Variants in PGM2 observed in about 807,000 individuals in gnomAD.
PGM2 encodes phosphoglucomutase 2, also known as phosphopentomutase.
Under a neutral mutation model 74.6 loss-of-function variants are expected in PGM2, and 57 were observed. The observed-to-expected ratio is 0.76, with a 90% CI of 0.62 to 0.95. The LOEUF (loss-of-function observed/expected upper bound fraction) is 0.95, where lower values mean the gene tolerates loss of function less well. PGM2 is among the 40% of genes least tolerant of loss of function. The pLI, the probability that PGM2 is intolerant of heterozygous loss-of-function variation, is 0.00. For synonymous variants in PGM2, 273 were observed against 260.7 expected (o/e 1.05, Z -0.46); for missense variants, 706 against 741.9 (o/e 0.95, Z 0.56).
intron 12 of PGM2, 106 bp downstream of exon 12, chr4:37,850,479 CTTA>C: frequency 1.5e-6 from 1 of 661,704 alleles, no homozygotes; most frequent in Non-Finnish European, 2.4e-6. Flanking sequence ...ATTTTAGGCA[CTTA>C]GGCGTGATTA....
chr4:37,838,719 A>G (rs1725630123), intron 4 of PGM2, among the ~76,000 whole-genome samples: 1 of 152,228 alleles, frequency 6.6e-6, no homozygotes, highest in Admixed American at 6.5e-5. Flanking sequence ...ATTGTCATGT[A>G]TTCAAGCATC....
At chr4:37,835,245 T>C (rs536542778) in intron 3 of PGM2, among the ~76,000 whole-genome samples, 1 of 152,338 alleles carries the variant, frequency 6.6e-6, no homozygotes, top group African/African-American at 2.4e-5. Context: ...GTATGTACTT[T>C]TATCTCTTTA....
At chr4:37,860,394 A>G (rs919828355) in intron 13 of PGM2, among the ~76,000 whole-genome samples, 1 of 152,230 alleles carries the variant, frequency 6.6e-6, no homozygotes, top group Non-Finnish European at 1.5e-5. Context: ...ATTGCTTTAT[A>G]TAATTTATCG....
chr4:37,847,886 T>C (rs1214845736), intron 10 of PGM2, among the ~76,000 whole-genome samples: 1 of 152,276 alleles, frequency 6.6e-6, no homozygotes, highest in African/African-American at 2.4e-5. Flanking sequence ...GTAAAAACTA[T>C]TATGCATTAG....
chr4:37,830,620 G>A (rs988050383), intron 2 of PGM2, among the ~76,000 whole-genome samples: 1 of 152,190 alleles, frequency 6.6e-6, no homozygotes, highest in Non-Finnish European at 1.5e-5. Context: ...TCTAGACCCA[G>A]CTTTTAGGAA....
rs556572017 is a variant in PGM2, at chr4:37,857,271, CT to C, written c.1736+1531del. On this transcript the variant is annotated intron_variant, in intron 13 of 13. Transcript: ENST00000381967. The stretch of plus-strand genomic sequence containing the variant: ...GGCCGCTGTAGTAAACAGCACCCAT[CT>C]AGGTAATTGTGACAACATAGACAAA... Among the ~76,000 whole-genome samples, 6 of 152,282 alleles carry C rather than the reference CT, an allele frequency of 3.9e-5. No individual in the cohort carries two copies. The South Asian group carries it at 1.2e-3, about 32-fold the overall frequency.
At chr4:37,842,417 T>C (rs1725755542) in intron 6 of PGM2, among the ~76,000 whole-genome samples, 1 of 151,866 alleles carries the variant, frequency 6.6e-6, no homozygotes, top group Non-Finnish European at 1.5e-5. Context: ...CTATCATGTT[T>C]GTGTTTTATA....
chr4:37,836,068 G>T (rs1725560280), intron 3 of PGM2, among the ~76,000 whole-genome samples: 1 of 152,254 alleles, frequency 6.6e-6, no homozygotes, highest in Non-Finnish European at 1.5e-5. Context: ...ATGTGGCTAA[G>T]TCTGTCTGCT....
chr4:37,853,218 G>A (rs1458437271), intron 12 of PGM2, among the ~76,000 whole-genome samples: 2 of 152,062 alleles, frequency 1.3e-5, no homozygotes, highest in African/African-American at 4.8e-5. Flanking sequence ...GCTCACTGCA[G>A]CCTTGATCTC....
intron 7 of PGM2, 22 bp from the exon 8 acceptor site, chr4:37,845,611 T>C: frequency 1.3e-6 from 2 of 1,509,620 alleles, no homozygotes; most frequent in Non-Finnish European, 1.8e-6. Context: ...AAATAATCTT[T>C]TATTTTCATA....
chr4:37,844,940 C>A (rs1725825794), intron 7 of PGM2, among the ~76,000 whole-genome samples: 1 of 147,786 alleles, frequency 6.8e-6, no homozygotes, highest in Non-Finnish European at 1.5e-5. Context: ...TGCACTCCAG[C>A]CTGGGTGACA....
rs146573335 is a variant in PGM2 at position 37,847,039 on chromosome 4, G to A, written c.1116G>A (p.Thr372=). The A allele has an allele frequency of 4.7e-4, 754 of 1,613,544 alleles. 4 individuals are homozygous for A. The East Asian group carries it at 9.1e-3, about 19-fold the overall frequency. ...KNQDRSALKD[T]YMLSSTVSSK... is the part of the protein sequence containing the mutation. Reference sequence around the variant, plus strand: ...AGGATCGCAGTGCTCTCAAAGACACGTACATGTTGTCCAGCACCGTCTCCT... The same window carrying A: ...AGGATCGCAGTGCTCTCAAAGACACATACATGTTGTCCAGCACCGTCTCCT... The change falls in exon 9 of 14, where the codon ACG becomes ACA. Residue 372 remains threonine, a synonymous_variant. Coordinates refer to ENST00000381967, the MANE Select transcript of PGM2 (RefSeq NM_018290.4).
intron 2 of PGM2, among the ~76,000 whole-genome samples, chr4:37,833,715 A>G (rs567029899): frequency 2.6e-5 from 4 of 152,356 alleles, no homozygotes; most frequent in African/African-American, 7.2e-5. Context: ...TGCGTAAAAC[A>G]GCAAACACTT....
intron 1 of PGM2, among the ~76,000 whole-genome samples, chr4:37,828,091 C>G (rs769769725): frequency 5.3e-5 from 8 of 152,160 alleles, no homozygotes; most frequent in Non-Finnish European, 7.4e-5. Context: ...AAAATGTCAG[C>G]AAATCCCATT....
intron 12 of PGM2, among the ~76,000 whole-genome samples, chr4:37,852,309 A>G (rs1726068519): frequency 1.1e-5 from 1 of 91,986 alleles, no homozygotes; most frequent in Non-Finnish European, 2.7e-5. Context: ...ATTTGCCTGG[A>G]TTTCTATGTC....
intron 11 of PGM2, 86 bp downstream of exon 11, chr4:37,848,737 C>T: frequency 3.0e-6 from 3 of 1,006,284 alleles, no homozygotes; most frequent in South Asian, 1.5e-5. Flanking sequence ...AATATCCTTT[C>T]TAATGCTCTT....
intron 12 of PGM2, among the ~76,000 whole-genome samples, chr4:37,851,506 G>A (rs564460867): frequency 6.6e-6 from 1 of 152,222 alleles, no homozygotes; most frequent in African/African-American, 2.4e-5. Context: ...GGGGAGGAAA[G>A]TTAAGAATAT....
chr4:37,851,844 G>C (rs1172991007), intron 12 of PGM2, among the ~76,000 whole-genome samples: 1 of 152,168 alleles, frequency 6.6e-6, no homozygotes, highest in African/African-American at 2.4e-5. Context: ...GGTTAAATCA[G>C]ATTCCGTGCT....
intron 13 of PGM2, among the ~76,000 whole-genome samples, chr4:37,860,888 C>A (rs879895224): frequency 7.9e-5 from 12 of 152,110 alleles, no homozygotes. Context: ...TCCCCAGATT[C>A]TTGTTTATAC....
Sources: allele counts gnomAD v4.1 joint callset (sites outside exome capture counted in the v4.1 genomes callset), GRCh38; gene constraint gnomAD v4.1.1; transcripts MANE v1.5; gene names NCBI Gene and HGNC (gene_info 2026-07-23, HGNC 2026-07-21).